Variants in IRAK2 observed in about 807,000 individuals in gnomAD.
IRAK2 encodes interleukin-1 receptor-associated kinase-like 2.
IRAK2 carries 57 observed loss-of-function variants against 72.0 expected under a neutral mutation model. The ratio of observed to expected loss-of-function variants is 0.79; its 90% CI spans 0.64 to 0.99. The LOEUF is 0.99. IRAK2 is among the 50% of genes least tolerant of loss of function. IRAK2 has a pLI of 0.00. For synonymous variants in IRAK2, 293 were observed against 312.7 expected, an observed-to-expected ratio of 0.94 and a Z score of 0.67; for missense variants, 790 against 794.4, an observed-to-expected ratio of 0.99 and a Z score of 0.07.
chr3:10,219,829 C>G, intron 8 of IRAK2, 40 bp downstream of exon 8: 2 of 1,423,518 alleles, frequency 1.4e-6, no homozygotes, highest in Non-Finnish European at 2.0e-6. Flanking sequence ...GCCTGGGCTG[C>G]AAGGGTGGAA....
Position 10,238,918 on chromosome 3 carries a change from G to C in IRAK2, c.1644G>C (p.Trp548Cys). 6.2e-7 allele frequency: 1 copy of C among 1,614,034 alleles called. No homozygotes were observed. Among genetic ancestry groups the C allele is most frequent in the Non-Finnish European group, 8.5e-7 (1 of 1,179,960 alleles). ...DASSSMSVAP[W>C]AGAATPLLPT... The stretch of plus-strand genomic sequence containing the variant: ...CCTCCTCCATGAGTGTGGCACCCTG[G>C]GCAGGGGCTGCCACCCCACTTCTCC... The change falls in exon 12 of 13, where the codon TGG becomes TGC. Residue 548 changes from tryptophan (W) to cysteine (C), a missense_variant. Physicochemically the swap from Trp to Cys is radical, Grantham distance 215 (BLOSUM62 -2). Coordinates refer to ENST00000256458, the MANE Select transcript of IRAK2 (RefSeq NM_001570.4).
intron 4 of IRAK2, 107 bp downstream of exon 4, chr3:10,209,799 G>A (rs1053108450): frequency 1.9e-5 from 11 of 574,896 alleles, no homozygotes; most frequent in Non-Finnish European, 2.9e-5. Context: ...AGGGTGGAGA[G>A]GAGAAAGGAA....
At chr3:10,184,756 G>GTC (rs1295926352) in intron 2 of IRAK2, among the ~76,000 whole-genome samples, 7 of 123,814 alleles carry the variant, frequency 5.7e-5, no homozygotes, top group Non-Finnish European at 1.1e-4. Flanking sequence ...TTGAGACGGA[G>GTC]CCTTGCTCTG....
Position 10,200,321 on chromosome 3 carries a change from AC to A in IRAK2, c.278-44del. The A allele has an allele frequency of 2.7e-6, 4 of 1,506,054 alleles. No individual in the cohort carries two copies. The East Asian group carries it at 7.0e-5, about 26-fold the overall frequency. The allele number at this position is 1,506,054 out of a possible 1,614,324, so 93.3% of individuals were successfully genotyped here. A position where few individuals can be genotyped will look rare whatever the true frequency, so the allele number is the denominator to read the frequency against. ...TTCCAGAACCAGTCTCTCAATGGCTACCCCACTTCATGGAATAGTAATAACT... is the reference window on the plus strand; with the variant it reads ...TTCCAGAACCAGTCTCTCAATGGCTACCCACTTCATGGAATAGTAATAACT... On this transcript the variant is annotated intron_variant, in intron 2 of 12. Coordinates refer to ENST00000256458, the MANE Select transcript of IRAK2 (RefSeq NM_001570.4).
intron 12 of IRAK2, among the ~76,000 whole-genome samples, chr3:10,241,107 G>A (rs1698052796): frequency 6.6e-6 from 1 of 151,724 alleles, no homozygotes; most frequent in Non-Finnish European, 1.5e-5. Context: ...CAAAGACAGA[G>A]GAGATGAAAA....
intron 8 of IRAK2, among the ~76,000 whole-genome samples, chr3:10,222,330 G>T (rs531582035): frequency 6.6e-6 from 1 of 152,224 alleles, no homozygotes; most frequent in Non-Finnish European, 1.5e-5. Flanking sequence ...TGCACAGCCT[G>T]TAGGCGTGGC....
In IRAK2 at chr3:10,234,499, C is replaced by T. The variant is rs1474900241; in HGVS notation, c.1313C>T (p.Ser438Leu). 5 of 1,614,070 alleles carry T rather than the reference C, an allele frequency of 3.1e-6. No individual in the cohort carries two copies. The highest frequency in any genetic ancestry group is 2.7e-5 in the African/African-American group (2 of 74,938). The stretch of plus-strand genomic sequence containing the variant: ...AGTGATATTCCAAGCAGCACCGCCT[C>T]GCTCTGCTCCAGGAAGACGGGCGTG... ...LLSDIPSSTA[S>L]LCSRKTGVEN... The change falls in exon 11 of 13, where the codon TCG (serine) becomes TTG (leucine). Residue 438 changes from serine (S) to leucine (L), a missense_variant. Transcript: ENST00000256458.
intron 3 of IRAK2, among the ~76,000 whole-genome samples, chr3:10,201,762 C>G (rs1664618018): frequency 6.6e-6 from 1 of 152,224 alleles, no homozygotes; most frequent in Non-Finnish European, 1.5e-5. Context: ...CACCTCCTGT[C>G]TCCTGCGGCC....
intron 10 of IRAK2, among the ~76,000 whole-genome samples, chr3:10,226,888 G>A (rs1233067170): frequency 6.8e-6 from 1 of 147,448 alleles, no homozygotes; most frequent in East Asian, 2.0e-4. Flanking sequence ...AGAGGTTGCA[G>A]TGAACCAAGA....
intron 6 of IRAK2, among the ~76,000 whole-genome samples, chr3:10,216,151 G>A (rs1385928024): frequency 6.6e-6 from 1 of 152,348 alleles, no homozygotes; most frequent in East Asian, 1.9e-4. Flanking sequence ...AGAGGGGAAT[G>A]AAGGGACATT....
At chr3:10,226,491 AGAGGG>A in intron 10 of IRAK2, 58 bp downstream of exon 10, 3 of 1,396,688 alleles carry the variant, frequency 2.1e-6, no homozygotes, top group Non-Finnish European at 2.0e-6. Flanking sequence ...AGCTCTGTAG[AGAGGG>A]CAACGACCTC....
At position 10,238,940 on chromosome 3, in the gene IRAK2, C is replaced by T. The variant is rs1440999357; in HGVS notation, c.1666C>T (p.Leu556Phe). ...CTGGGCAGGGGCTGCCACCCCACTT[C>T]TCCCCACAGAGAATGGGGAAGGAAG... ...APWAGAATPLLPTENGEGRLR... is the reference protein window; with the variant it reads ...APWAGAATPLFPTENGEGRLR... Residue 556 changes from leucine to phenylalanine, a missense_variant, in exon 12 of 13, where the codon CTC (leucine) becomes TTC (phenylalanine). By Grantham distance (22) the Leu-to-Phe change is conservative (BLOSUM62 0). Transcript: ENST00000256458. The T allele has an allele frequency of 6.2e-7, 1 of 1,614,016 alleles. No individual in the cohort carries two copies.
intron 1 of IRAK2, 43 bp downstream of exon 1, chr3:10,165,091 G>A (rs1291326751): frequency 5.8e-6 from 9 of 1,540,122 alleles, no homozygotes; most frequent in Non-Finnish European, 8.0e-6. Flanking sequence ...GGCGACCGGA[G>A]CCCCCAGCGA....
At chr3:10,213,700 TAC>T in intron 6 of IRAK2, 152 bp downstream of exon 6, 1 of 644,316 alleles carries the variant, frequency 1.6e-6, no homozygotes, top group Non-Finnish European at 2.7e-6. Flanking sequence ...CACATTATTT[TAC>T]AGATGGGTAA....
intron 1 of IRAK2, among the ~76,000 whole-genome samples, chr3:10,175,193 A>T (rs998629199): frequency 1.3e-5 from 2 of 151,986 alleles, no homozygotes; most frequent in Non-Finnish European, 2.9e-5. Flanking sequence ...GCACGATCTC[A>T]GCTCACTGCA....
chr3:10,164,967 A>T lies in IRAK2; in HGVS notation c.13A>T (p.Ile5Phe). 3 of 1,610,762 alleles carry T rather than the reference A, an allele frequency of 1.9e-6. No individual in the cohort carries two copies. The highest frequency in any genetic ancestry group is 1.3e-5 in the African/African-American group (1 of 74,842). The change falls in exon 1 of 13, where the codon ATC (isoleucine) becomes TTC (phenylalanine). Residue 5 changes from isoleucine to phenylalanine, a missense_variant. By Grantham distance (21) the Ile-to-Phe change is conservative. Transcript: ENST00000256458. MACYIYQLPSWVLDD... is the reference protein window; with the variant it reads MACYFYQLPSWVLDD... ...CCCGTAGCGTGCCATGGCCTGCTAC[A>T]TCTACCAGCTGCCCTCCTGGGTGCT...
At chr3:10,217,252 A>T (rs1194177489) in intron 7 of IRAK2, among the ~76,000 whole-genome samples, 1 of 152,238 alleles carries the variant, frequency 6.6e-6, no homozygotes, top group Admixed American at 6.5e-5. Flanking sequence ...TTGGAACGAT[A>T]CAGAGAAGAT....
chr3:10,210,790 T>G (rs1391169483), intron 4 of IRAK2, among the ~76,000 whole-genome samples: 2 of 152,186 alleles, frequency 1.3e-5, no homozygotes, highest in African/African-American at 4.8e-5. Flanking sequence ...TATGGGAGGT[T>G]CACTTGAGCC....
intron 4 of IRAK2, 40 bp from the exon 5 acceptor site, chr3:10,213,167 A>T: frequency 6.4e-7 from 1 of 1,562,478 alleles, no homozygotes; most frequent in South Asian, 1.1e-5. Flanking sequence ...AGAAAACGAG[A>T]TTCCATAGTA....
Sources: allele counts gnomAD v4.1 joint callset (sites outside exome capture counted in the v4.1 genomes callset), GRCh38; gene constraint gnomAD v4.1.1; transcripts MANE v1.5; gene names NCBI Gene and HGNC (gene_info 2026-07-23, HGNC 2026-07-21).